Variants in MCPH1 observed in about 807,000 individuals in gnomAD.
MCPH1 encodes microcephalin.
In MCPH1, 104 loss-of-function variants were observed where a neutral mutation model predicts 84.5. That is an observed-to-expected ratio of 1.23 (90% CI 1.05 to 1.45). MCPH1 has a LOEUF of 1.45. Among genes scored for constraint, MCPH1 ranks in the 40% most tolerant of loss-of-function variants. MCPH1 has a pLI of 0.00. For missense variants in MCPH1, 1,498 were observed against 1,005.7 expected, an observed-to-expected ratio of 1.49 and a Z score of -6.62; for synonymous variants, 514 against 366.8, an observed-to-expected ratio of 1.40 and a Z score of -4.58.
intron 12 of MCPH1, among the ~76,000 whole-genome samples, chr8:6,529,895 A>G (rs1033902371): frequency 6.6e-6 from 1 of 150,654 alleles, no homozygotes; most frequent in Non-Finnish European, 1.5e-5. Flanking sequence ...TTTTTTTTAA[A>G]TCATATGACG....
chr8:6,509,149 C>G, intron 12 of MCPH1: 3 of 1,523,340 alleles, frequency 2.0e-6, no homozygotes, highest in Non-Finnish European at 2.7e-6. Context: ...GAATTCCATT[C>G]TACAGAAGCG....
intron 12 of MCPH1, among the ~76,000 whole-genome samples, chr8:6,539,993 A>C (rs1348526369): frequency 6.6e-6 from 1 of 152,042 alleles, no homozygotes; most frequent in Non-Finnish European, 1.5e-5. Flanking sequence ...CCACTATATA[A>C]CTCCAAGATG....
chr8:6,450,079 C>T (rs1804918879), intron 8 of MCPH1, among the ~76,000 whole-genome samples: 1 of 152,162 alleles, frequency 6.6e-6, no homozygotes, highest in African/African-American at 2.4e-5. Flanking sequence ...TTTTACATGT[C>T]AGCACCTTGT....
In MCPH1 at chr8:6,511,795, C is replaced by T. The variant is rs1026732181; in HGVS notation, c.2214+11866C>T. ...TTCTAAAGGAAATATCTGTTAAGAA[C>T]CATCTCAGTTTAAAATATTTTTATA... On this transcript the variant is annotated intron_variant, in intron 12 of 13. Transcript: ENST00000344683. 3.9e-5 allele frequency among the ~76,000 whole-genome samples: 6 copies of T among 152,208 alleles called. No individual in the cohort carries two copies. In the East Asian group the frequency reaches 1.2e-3, roughly 29 times the overall value.
intron 12 of MCPH1, chr8:6,618,590 G>A (rs1276573020): frequency 6.6e-6 from 1 of 152,128 alleles, no homozygotes; most frequent in South Asian, 2.1e-4. Flanking sequence ...AATACACAGA[G>A]AATTTTTCAC....
intron 3 of MCPH1, among the ~76,000 whole-genome samples, chr8:6,419,301 C>T (rs757477578): frequency 2.0e-5 from 3 of 152,246 alleles, no homozygotes; most frequent in East Asian, 1.9e-4. Flanking sequence ...CTTACTGCAG[C>T]CTTGACCTCT....
At chr8:6,640,852 G>C (rs1015378305) in intron 13 of MCPH1, among the ~76,000 whole-genome samples, 1 of 152,132 alleles carries the variant, frequency 6.6e-6, no homozygotes, top group African/African-American at 2.4e-5. Flanking sequence ...ACTGTATAAT[G>C]TGAGGGGACC....
chr8:6,608,161 G>T (rs1330653753), intron 12 of MCPH1, among the ~76,000 whole-genome samples: 1 of 152,160 alleles, frequency 6.6e-6, no homozygotes, highest in East Asian at 1.9e-4. Flanking sequence ...CACGTGCGAG[G>T]GTGGGAGAGG....
intron 11 of MCPH1, among the ~76,000 whole-genome samples, chr8:6,492,628 A>G (rs1422034629): frequency 6.7e-6 from 1 of 148,992 alleles, no homozygotes; most frequent in East Asian, 1.9e-4. Context: ...ATCATTAATA[A>G]CAATTATTTA....
intron 13 of MCPH1, among the ~76,000 whole-genome samples, chr8:6,631,131 C>T (rs1451759978): frequency 6.6e-6 from 1 of 152,092 alleles, no homozygotes. Flanking sequence ...ATGGTGGCAA[C>T]CCAGTTCCCA....
At chr8:6,475,002 G>T (rs549062120) in intron 9 of MCPH1, among the ~76,000 whole-genome samples, 2 of 152,204 alleles carry the variant, frequency 1.3e-5, no homozygotes, top group African/African-American at 4.8e-5. Context: ...TTTTAGTGCT[G>T]TTGAAAGTAT....
chr8:6,450,425 C>T (rs535057334), intron 8 of MCPH1, among the ~76,000 whole-genome samples: 5 of 151,308 alleles, frequency 3.3e-5, no homozygotes, highest in South Asian at 2.1e-4. Context: ...ACCAGACCAT[C>T]GTGTATCCTT....
Position 6,439,373 on chromosome 8 carries a change from A to T in MCPH1, c.580+277A>T, listed in dbSNP as rs567244080. ...TGGAATTTTTTCTTTCTTTTTTTTT[A>T]AAAAAAAATGAATCATGTCTTTTTT... On this transcript the variant is annotated intron_variant, in intron 6 of 13. Coordinates refer to ENST00000344683, the MANE Select transcript of MCPH1 (RefSeq NM_024596.5). Among the ~76,000 whole-genome samples, 1,211 of 23,358 alleles carry T rather than the reference A, an allele frequency of 0.052. 21 individuals carry two copies. The highest frequency in any genetic ancestry group is 0.061 in the African/African-American group (1,114 of 18,310). The allele number at this position is 23,358 out of a possible 152,430, so 15.3% of individuals were successfully genotyped here.
chr8:6,412,599 T>A (rs1798689661), intron 2 of MCPH1, among the ~76,000 whole-genome samples: 1 of 152,212 alleles, frequency 6.6e-6, no homozygotes, highest in African/African-American at 2.4e-5. Context: ...GCTCTTTGGG[T>A]CTCAGCGCAA....
chr8:6,477,397 T>C, intron 9 of MCPH1, 197 bp from the exon 10 acceptor site: 1 of 582,848 alleles, frequency 1.7e-6, no homozygotes, highest in Non-Finnish European at 3.0e-6. Flanking sequence ...TGGATTGCTT[T>C]GGGGACAGTA....
intron 13 of MCPH1, among the ~76,000 whole-genome samples, chr8:6,633,153 C>G (rs1312274045): frequency 6.6e-6 from 1 of 152,032 alleles, no homozygotes; most frequent in Non-Finnish European, 1.5e-5. Context: ...ATGTACAAGA[C>G]ACACATGAAT....
Position 6,446,753 on chromosome 8 carries a change from T to G in MCPH1, c.1825+1206T>G, listed in dbSNP as rs952369280. ...TATTTTTTAAGCTTTTGAATAATAA[T>G]GACATGGAAATGTAAATTAAGTAGG... On this transcript the variant is annotated intron_variant, in intron 8 of 13. Coordinates refer to ENST00000344683, the MANE Select transcript of MCPH1 (RefSeq NM_024596.5). 7.1e-6 allele frequency: 7 copies of G among 985,192 alleles called. No individual in the cohort carries two copies. In the African/African-American group the frequency reaches 1.2e-4, roughly 17 times the overall value. 61.0% of individuals were successfully genotyped at this position (985,192 alleles called of 1,614,324 possible).
At chr8:6,613,128 G>T (rs1192955740) in intron 12 of MCPH1, among the ~76,000 whole-genome samples, 1 of 152,192 alleles carries the variant, frequency 6.6e-6, no homozygotes, top group Non-Finnish European at 1.5e-5. Flanking sequence ...AGGCAGGCCT[G>T]CAGCAGGTGC....
At chr8:6,560,060 G>C (rs145084866) in intron 12 of MCPH1, among the ~76,000 whole-genome samples, 3 of 152,302 alleles carry the variant, frequency 2.0e-5, no homozygotes, top group Admixed American at 6.5e-5. Flanking sequence ...CTCAGAGGTT[G>C]AACTACTATT....
Sources: gnomAD v4.1 joint callset for allele counts (sites outside exome capture counted in the v4.1 genomes callset) on GRCh38, gnomAD v4.1.1 for gene constraint, MANE v1.5 for transcripts, NCBI Gene and HGNC (gene_info 2026-07-23, HGNC 2026-07-21) for gene names.